The following WDR64 variants were observed in gnomAD, a reference collection of about 807,000 sequenced individuals.
The protein encoded by WDR64 is WD repeat-containing protein 64.
WDR64 carries 112 observed loss-of-function variants against 139.3 expected under a neutral mutation model. The ratio of observed to expected loss-of-function variants is 0.80; its 90% CI spans 0.69 to 0.94. The LOEUF (loss-of-function observed/expected upper bound fraction) is 0.94. Among genes scored for constraint, WDR64 ranks in the 40% least tolerant of loss-of-function variants. The pLI, the probability that WDR64 is intolerant of heterozygous loss-of-function variation, is 0.00. For synonymous variants in WDR64, 444 were observed against 437.7 expected (o/e 1.01, Z -0.18); for missense variants, 1,206 against 1,293.1 (o/e 0.93, Z 1.03).
rs1298663320 is a variant in WDR64 at position 241,771,651 on chromosome 1, C to A, written c.2254-10C>A. ...ATGGAAGTCTTTTCTCTTTTCCTCC[C>A]ATAATTCAGGGAAGCAAGCAAAGCA... On this transcript the variant is annotated splice_polypyrimidine_tract_variant and intron_variant, in intron 18 of 27. Coordinates refer to ENST00000437684, the MANE Select transcript of WDR64 (RefSeq NM_001367482.1). 4.7e-6 allele frequency: 7 copies of A among 1,495,046 alleles called. No homozygotes were observed. The East Asian group carries it at 1.3e-4, about 28-fold the overall frequency. 92.6% of individuals were successfully genotyped at this position (1,495,046 alleles called of 1,614,324 possible).
In WDR64 at chr1:241,662,971, T is replaced by C. The variant is rs1665888663; in HGVS notation, c.276+2311T>C. ...TTATTTGTGGATATTCTACCAAGAATATCCAATAGAATTATATGGCAAACT... is the reference window on the plus strand; with the variant it reads ...TTATTTGTGGATATTCTACCAAGAACATCCAATAGAATTATATGGCAAACT... On this transcript the variant is annotated intron_variant, in intron 2 of 27. Transcript: ENST00000437684. Among the ~76,000 whole-genome samples, 5 of 152,156 alleles carry C rather than the reference T, an allele frequency of 3.3e-5. No homozygotes were observed. The South Asian group carries it at 1.0e-3, about 32-fold the overall frequency.
intron 15 of WDR64, among the ~76,000 whole-genome samples, chr1:241,762,008 AC>A (rs1469947595): frequency 6.6e-6 from 1 of 152,170 alleles, no homozygotes; most frequent in South Asian, 2.1e-4. Context: ...TGCTATTTTG[AC>A]CTCCTCCCAT....
chr1:241,739,930 C>T (rs770704312), intron 11 of WDR64, among the ~76,000 whole-genome samples: 8 of 152,194 alleles, frequency 5.3e-5, no homozygotes, highest in African/African-American at 1.9e-4. Context: ...GACAGTAGCA[C>T]CACGTTCTAG....
chr1:241,772,117 T>C (rs1658477521), intron 19 of WDR64, among the ~76,000 whole-genome samples: 1 of 149,396 alleles, frequency 6.7e-6, no homozygotes, highest in African/African-American at 2.4e-5. Context: ...CTGAACTTCT[T>C]AGTCTCTAGC....
At chr1:241,699,695 T>C (rs746049090) in intron 8 of WDR64, among the ~76,000 whole-genome samples, 31 of 151,910 alleles carry the variant, frequency 2.0e-4, no homozygotes, top group South Asian at 4.2e-4. Context: ...AGTGGATAAA[T>C]AGACACAATA....
chr1:241,756,043 G>A (rs919174996), intron 14 of WDR64, among the ~76,000 whole-genome samples: 7 of 152,014 alleles, frequency 4.6e-5, no homozygotes, highest in South Asian at 2.1e-4. Flanking sequence ...ATGGCTATAC[G>A]GGCTCTTTTT....
At chr1:241,718,214 C>T (rs923994318) in intron 9 of WDR64, among the ~76,000 whole-genome samples, 1 of 152,152 alleles carries the variant, frequency 6.6e-6, no homozygotes, top group Non-Finnish European at 1.5e-5. Flanking sequence ...CTACTAGGCT[C>T]ACCAGATAAT....
chr1:241,780,118 T>C (rs1367455103), intron 22 of WDR64, 56 bp downstream of exon 22: 2 of 1,386,914 alleles, frequency 1.4e-6, no homozygotes, highest in East Asian at 4.9e-5. Flanking sequence ...TTATTGAGCA[T>C]TTCTCTGTGC....
At chr1:241,771,634 CTT>C (rs377307714) in intron 18 of WDR64, 25 bp from the exon 19 acceptor site, 5 of 1,465,008 alleles carry the variant, frequency 3.4e-6, no homozygotes, top group Admixed American at 2.4e-5. Flanking sequence ...TCATGGAAGT[CTT>C]TTCTCTTTTC....
intron 8 of WDR64, among the ~76,000 whole-genome samples, chr1:241,693,967 A>G (rs1205740124): frequency 6.6e-6 from 1 of 152,170 alleles, no homozygotes; most frequent in Non-Finnish European, 1.5e-5. Context: ...ATTGTTAGCT[A>G]TAGAACTTGG....
intron 27 of WDR64, 137 bp from the exon 28 acceptor site, chr1:241,800,995 T>C (rs752510013): frequency 1.1e-4 from 71 of 661,876 alleles, no homozygotes; most frequent in Non-Finnish European, 1.4e-4. Context: ...CACATAGGAT[T>C]GTTAAGTAAA....
intron 17 of WDR64, among the ~76,000 whole-genome samples, chr1:241,770,004 G>A (rs11589447): frequency 0.17 from 25,498 of 152,108 alleles, 2,495 homozygotes; most frequent in African/African-American, 0.25. Context: ...TTGCATAAGA[G>A]CTCTGGTTTG....
chr1:241,718,489 TCAGAAGAGAAGGGGGAGCA>T (rs1668484877), intron 9 of WDR64, among the ~76,000 whole-genome samples: 1 of 151,794 alleles, frequency 6.6e-6, no homozygotes, highest in African/African-American at 2.4e-5. Flanking sequence ...CACAAAGGTA[TCAGAAGAGAAGGGGGAGCA>T]TAGATTTAAA....
chr1:241,680,005 G>C lies in WDR64; in HGVS notation c.624+410G>C, dbSNP rs149761549. ...AAACATCTAATGAGGCAGCCCTTCAGTGGCTGAGATGTTACTGCTTAACCA... is the reference window on the plus strand; with the variant it reads ...AAACATCTAATGAGGCAGCCCTTCACTGGCTGAGATGTTACTGCTTAACCA... On this transcript the variant is annotated intron_variant, in intron 6 of 27. Transcript: ENST00000437684. 5.5e-3 allele frequency among the ~76,000 whole-genome samples: 843 copies of C among 152,286 alleles called. 7 individuals are homozygous for C. The highest frequency in any genetic ancestry group is 9.8e-3 in the Non-Finnish European group (668 of 68,024).
At chr1:241,740,737 G>A (rs1030610751) in intron 11 of WDR64, among the ~76,000 whole-genome samples, 3 of 151,372 alleles carry the variant, frequency 2.0e-5, no homozygotes, top group African/African-American at 7.3e-5. Context: ...GCATGACCTC[G>A]GCTCACTGCA....
intron 15 of WDR64, among the ~76,000 whole-genome samples, chr1:241,761,735 G>A (rs779354424): frequency 4.6e-5 from 7 of 152,022 alleles, no homozygotes; most frequent in Non-Finnish European, 1.0e-4. Flanking sequence ...CTAAGTTTAG[G>A]TAATATCCTA....
At chr1:241,685,636 C>T (rs1666975926) in intron 7 of WDR64, among the ~76,000 whole-genome samples, 1 of 152,020 alleles carries the variant, frequency 6.6e-6, no homozygotes, top group African/African-American at 2.4e-5. Flanking sequence ...TACTTTATCC[C>T]AGAGTTAGAA....
intron 19 of WDR64, 78 bp from the exon 20 acceptor site, chr1:241,772,714 T>C (rs1430719127): frequency 5.5e-6 from 8 of 1,446,438 alleles, no homozygotes; most frequent in African/African-American, 4.3e-5. Context: ...CCACCTGCCT[T>C]GGCCTCCCAA....
chr1:241,713,086 C>T (rs370122361), intron 9 of WDR64, among the ~76,000 whole-genome samples: 28 of 151,552 alleles, frequency 1.8e-4, no homozygotes, highest in African/African-American at 6.6e-4. Context: ...ACAGGAGGAT[C>T]GCTTGAGCCC....
Sources: allele counts gnomAD v4.1 joint callset (sites outside exome capture counted in the v4.1 genomes callset), GRCh38; gene constraint gnomAD v4.1.1; transcripts MANE v1.5; gene names NCBI Gene and HGNC (gene_info 2026-07-23, HGNC 2026-07-21).